ATP10B: variants seen among roughly 807,000 people sequenced by gnomAD.
The protein encoded by ATP10B is ATPase phospholipid transporting 10B (putative).
In ATP10B, 122 loss-of-function variants were observed where a neutral mutation model predicts 141.2. That is an observed-to-expected ratio of 0.86 (90% CI 0.75 to 1.00). ATP10B has a LOEUF of 1.00. ATP10B is among the 50% of genes least tolerant of loss of function. ATP10B has a pLI of 0.00. For synonymous variants in ATP10B, 685 were observed against 692.0 expected (o/e 0.99, Z 0.16); for missense variants, 1,876 against 1,825.3 (o/e 1.03, Z -0.51).
chr5:160,924,864 GT>G, the ATP10B span, among the ~76,000 whole-genome samples: 4 of 152,214 alleles, frequency 2.6e-5, no homozygotes, highest in African/African-American at 9.7e-5. Context: ...TTGGGGAACA[GT>G]AGCTCCACTG....
At chr5:160,825,807 C>G (rs182885918) in intron 1 of ATP10B, among the ~76,000 whole-genome samples, 1 of 152,142 alleles carries the variant, frequency 6.6e-6, no homozygotes, top group Non-Finnish European at 1.5e-5. Context: ...TTCCCACCTC[C>G]GCCCTTCCCC....
chr5:160,874,155 G>C, the ATP10B span, among the ~76,000 whole-genome samples: 1 of 152,096 alleles, frequency 6.6e-6, no homozygotes, highest in African/African-American at 2.4e-5. Context: ...TTTGAAGAGA[G>C]CAGTGGTTCT....
intron 15 of ATP10B, among the ~76,000 whole-genome samples, chr5:160,619,527 A>G (rs760176869): frequency 2.6e-5 from 4 of 152,092 alleles, no homozygotes; most frequent in Admixed American, 6.6e-5. Context: ...CCCATTCTAC[A>G]CACTAATCAA....
intron 2 of ATP10B, among the ~76,000 whole-genome samples, chr5:160,763,992 C>G (rs1403559586): frequency 6.6e-6 from 1 of 152,070 alleles, no homozygotes; most frequent in African/African-American, 2.4e-5. Flanking sequence ...ATACAACCCT[C>G]TTAGATTAAA....
intron 22 of ATP10B, among the ~76,000 whole-genome samples, chr5:160,595,240 C>CTTTTGAG (rs1160315805): frequency 6.6e-6 from 1 of 152,198 alleles, no homozygotes; most frequent in Non-Finnish European, 1.5e-5. Flanking sequence ...AAGAATCTCA[C>CTTTTGAG]TCAAAACCAC....
intron 1 of ATP10B, among the ~76,000 whole-genome samples, chr5:160,825,570 G>A (rs1774533414): frequency 6.6e-6 from 1 of 152,290 alleles, no homozygotes; most frequent in African/African-American, 2.4e-5. Flanking sequence ...TATCAGCAGT[G>A]TGAAAACAGA....
chr5:160,676,087 G>A lies in ATP10B; in HGVS notation c.471-5420C>T, dbSNP rs995101434. On this transcript the variant is annotated intron_variant, in intron 6 of 25. Transcript: ENST00000327245. ...CTCATTCATACCCAGAAGCTAGTGA[G>A]GGCTGGAACATTTGGGTTACATTAA... Among the ~76,000 whole-genome samples, 12 of 152,292 alleles carry A rather than the reference G, an allele frequency of 7.9e-5. 1 individual carries two copies. Among genetic ancestry groups the A allele is most frequent in the Admixed American group, 6.5e-4 (10 of 15,306 alleles).
intron 12 of ATP10B, 50 bp downstream of exon 12, chr5:160,634,304 A>G: frequency 1.9e-6 from 3 of 1,613,326 alleles, no homozygotes; most frequent in Non-Finnish European, 2.5e-6. Context: ...TTAGGAGAGC[A>G]GGGTATTTCC....
chr5:160,581,950 A>G (rs762084070), intron 24 of ATP10B, among the ~76,000 whole-genome samples: 3 of 152,078 alleles, frequency 2.0e-5, no homozygotes, highest in Non-Finnish European at 2.9e-5. Flanking sequence ...AGTCTGTTTT[A>G]TCAGAGACTA....
At chr5:160,914,307 A>G in the ATP10B span, among the ~76,000 whole-genome samples, 9 of 152,180 alleles carry the variant, frequency 5.9e-5, no homozygotes, top group Admixed American at 4.6e-4. Flanking sequence ...AGTCTAATTG[A>G]GGAGTTATGT....
intron 1 of ATP10B, among the ~76,000 whole-genome samples, chr5:160,788,407 C>G (rs1020690863): frequency 1.3e-5 from 2 of 152,166 alleles, no homozygotes; most frequent in Non-Finnish European, 2.9e-5. Flanking sequence ...CTAGCTGAGT[C>G]TCTAAGTAAT....
the ATP10B span, among the ~76,000 whole-genome samples, chr5:160,871,221 T>C: frequency 3.4e-4 from 52 of 152,250 alleles, no homozygotes; most frequent in Middle Eastern, 3.4e-3. Flanking sequence ...TATGCTTTAT[T>C]CCATATATAT....
chr5:160,765,620 A>G (rs111542234), intron 2 of ATP10B, among the ~76,000 whole-genome samples: 11,043 of 152,262 alleles, frequency 0.073, 377 homozygotes, highest in Middle Eastern at 0.099. Flanking sequence ...CTAGAAGATA[A>G]TATCAGAAAA....
chr5:160,630,942 T>C (rs1758888695), intron 13 of ATP10B, among the ~76,000 whole-genome samples: 1 of 152,230 alleles, frequency 6.6e-6, no homozygotes, highest in Admixed American at 6.5e-5. Context: ...TCCTTGGTTA[T>C]GAATACTAAG....
the ATP10B span, among the ~76,000 whole-genome samples, chr5:160,888,286 C>T: frequency 6.6e-6 from 1 of 152,184 alleles, no homozygotes; most frequent in African/African-American, 2.4e-5. Flanking sequence ...ATCAGCACCT[C>T]TGACAAAGAA....
chr5:160,775,230 G>A (rs1348126732), intron 2 of ATP10B, among the ~76,000 whole-genome samples: 1 of 152,216 alleles, frequency 6.6e-6, no homozygotes, highest in African/African-American at 2.4e-5. Context: ...ATTTCCAGGG[G>A]CTGAAGTAGA....
intron 1 of ATP10B, among the ~76,000 whole-genome samples, chr5:160,829,588 T>A (rs1464861341): frequency 6.6e-6 from 1 of 151,978 alleles, no homozygotes; most frequent in Non-Finnish European, 1.5e-5. Flanking sequence ...GTTCTTCCAA[T>A]CCATGAGTAC....
At chr5:160,759,297 A>T (rs1488285261) in intron 2 of ATP10B, among the ~76,000 whole-genome samples, 1 of 152,120 alleles carries the variant, frequency 6.6e-6, no homozygotes, top group African/African-American at 2.4e-5. Context: ...CTAGATTATA[A>T]TTTTTTCAAA....
At chr5:160,684,560 T>G in intron 6 of ATP10B, among the ~76,000 whole-genome samples, 1 of 152,156 alleles carries the variant, frequency 6.6e-6, no homozygotes, top group East Asian at 1.9e-4. Flanking sequence ...TAAGAGGAGA[T>G]GAGAATATAT....
Sources: gnomAD v4.1 joint callset for allele counts (sites outside exome capture counted in the v4.1 genomes callset) on GRCh38, gnomAD v4.1.1 for gene constraint, MANE v1.5 for transcripts, NCBI Gene and HGNC (gene_info 2026-07-23, HGNC 2026-07-21) for gene names.